Variants in PPM1L observed in about 807,000 individuals in gnomAD.
The protein encoded by PPM1L is protein phosphatase 1L.
Under a neutral mutation model 31.4 loss-of-function variants are expected in PPM1L, and 13 were observed. The ratio of observed to expected loss-of-function variants is 0.41; its 90% CI spans 0.27 to 0.66. PPM1L has a LOEUF of 0.66. Ranked by LOEUF, PPM1L falls within the 30% of genes least tolerant of loss-of-function variation. The pLI is 0.29. For missense variants in PPM1L, 326 were observed against 453.7 expected, an observed-to-expected ratio of 0.72 and a Z score of 2.56; for synonymous variants, 184 against 175.4, an observed-to-expected ratio of 1.05 and a Z score of -0.39.
intron 1 of PPM1L, among the ~76,000 whole-genome samples, chr3:160,896,669 A>G (rs1341938045): frequency 3.3e-5 from 5 of 152,212 alleles, no homozygotes; most frequent in Non-Finnish European, 7.3e-5. Context: ...TTTTAAAATG[A>G]TAAGTGTTCT....
At chr3:160,809,149 T>C (rs1712731182) in intron 1 of PPM1L, among the ~76,000 whole-genome samples, 1 of 152,230 alleles carries the variant, frequency 6.6e-6, no homozygotes, top group African/African-American at 2.4e-5. Context: ...AAAGTTCTGA[T>C]CTAATTCTGG....
At chr3:160,867,214 G>A (rs1014640349) in intron 1 of PPM1L, among the ~76,000 whole-genome samples, 2 of 151,474 alleles carry the variant, frequency 1.3e-5, no homozygotes, top group Admixed American at 6.6e-5. Flanking sequence ...TTATTTGATT[G>A]TTTTTTGAAT....
intron 2 of PPM1L, among the ~76,000 whole-genome samples, chr3:161,012,635 A>T (rs1458796045): frequency 6.6e-6 from 1 of 151,688 alleles, no homozygotes; most frequent in African/African-American, 2.4e-5. Flanking sequence ...TTGGCTGTGA[A>T]TCCATCTGGT....
intron 2 of PPM1L, among the ~76,000 whole-genome samples, chr3:161,031,621 C>T (rs1718569851): frequency 6.6e-6 from 1 of 151,434 alleles, no homozygotes; most frequent in South Asian, 2.1e-4. Flanking sequence ...CCACCTCAGC[C>T]TCCTGAGTAG....
At chr3:160,907,429 T>C (rs1713801874) in intron 1 of PPM1L, among the ~76,000 whole-genome samples, 1 of 152,230 alleles carries the variant, frequency 6.6e-6, no homozygotes, top group Non-Finnish European at 1.5e-5. Flanking sequence ...GCAATTTATG[T>C]TCAGGAATTT....
At chr3:160,921,063 A>G (rs6764019) in intron 1 of PPM1L, among the ~76,000 whole-genome samples, 1 of 151,954 alleles carries the variant, frequency 6.6e-6, no homozygotes, top group South Asian at 2.1e-4. Flanking sequence ...ACCAGTCAAA[A>G]CTCATTGAAA....
At chr3:160,893,932 C>G (rs1308122621) in intron 1 of PPM1L, among the ~76,000 whole-genome samples, 1 of 152,136 alleles carries the variant, frequency 6.6e-6, no homozygotes, top group Non-Finnish European at 1.5e-5. Flanking sequence ...GATACTTTTA[C>G]ATGAGATAGT....
At chr3:161,003,732 A>G (rs1308080156) in intron 2 of PPM1L, among the ~76,000 whole-genome samples, 1 of 152,094 alleles carries the variant, frequency 6.6e-6, no homozygotes, top group African/African-American at 2.4e-5. Flanking sequence ...GCTTAAGGAG[A>G]TTTTGGGCTG....
chr3:161,059,336 T>C (rs1479676364), intron 2 of PPM1L, among the ~76,000 whole-genome samples: 4 of 152,136 alleles, frequency 2.6e-5, no homozygotes, highest in Non-Finnish European at 5.9e-5. Context: ...CTACCAGGAG[T>C]GAGCATGGGA....
intron 1 of PPM1L, among the ~76,000 whole-genome samples, chr3:160,780,976 T>G (rs1371034572): frequency 2.0e-5 from 3 of 152,250 alleles, no homozygotes; most frequent in Non-Finnish European, 4.4e-5. Context: ...TTTAACTTGA[T>G]GTTTTATTTT....
intron 1 of PPM1L, among the ~76,000 whole-genome samples, chr3:160,864,812 A>G (rs1041346890): frequency 6.6e-6 from 1 of 152,192 alleles, no homozygotes; most frequent in Non-Finnish European, 1.5e-5. Context: ...TATTTTCAAC[A>G]GTAAATAAAG....
intron 1 of PPM1L, among the ~76,000 whole-genome samples, chr3:160,804,255 T>C (rs1465255118): frequency 6.6e-6 from 1 of 152,156 alleles, no homozygotes; most frequent in Non-Finnish European, 1.5e-5. Flanking sequence ...ATAATTTAAC[T>C]TTTAAAAAAC....
At chr3:160,889,145 C>CT (rs1713039614) in intron 1 of PPM1L, among the ~76,000 whole-genome samples, 1 of 152,044 alleles carries the variant, frequency 6.6e-6, no homozygotes, top group Admixed American at 6.6e-5. Context: ...CAAGAAATAA[C>CT]TAAGATCAGA....
At chr3:160,913,892 T>G (rs1714062682) in intron 1 of PPM1L, among the ~76,000 whole-genome samples, 1 of 152,228 alleles carries the variant, frequency 6.6e-6, no homozygotes, top group African/African-American at 2.4e-5. Context: ...TATCTTTGAG[T>G]ACTCAAATAT....
chr3:161,002,265 C>T (rs1045656177), intron 2 of PPM1L, among the ~76,000 whole-genome samples: 1 of 152,128 alleles, frequency 6.6e-6, no homozygotes, highest in African/African-American at 2.4e-5. Flanking sequence ...GGTTCCAAGT[C>T]TTTGCTATTG....
At chr3:160,891,722 C>T (rs1713152691) in intron 1 of PPM1L, among the ~76,000 whole-genome samples, 1 of 152,178 alleles carries the variant, frequency 6.6e-6, no homozygotes, top group Admixed American at 6.5e-5. Flanking sequence ...GCACTATTTA[C>T]AACAGCAAAG....
intron 1 of PPM1L, among the ~76,000 whole-genome samples, chr3:160,889,198 TAATC>T (rs755077253): frequency 1.3e-3 from 199 of 152,110 alleles, no homozygotes; most frequent in Non-Finnish European, 2.4e-3. Flanking sequence ...TCTCCAAAAA[TAATC>T]AATGAATCCA....
chr3:161,023,259 T>C (rs1262725636), intron 2 of PPM1L, among the ~76,000 whole-genome samples: 3 of 152,100 alleles, frequency 2.0e-5, no homozygotes, highest in Admixed American at 6.5e-5. Flanking sequence ...CTAGGATGTA[T>C]AGATTAATGT....
chr3:161,027,529 G>A (rs1718438283), intron 2 of PPM1L, among the ~76,000 whole-genome samples: 1 of 152,152 alleles, frequency 6.6e-6, no homozygotes, highest in South Asian at 2.1e-4. Context: ...CTTGTATAGG[G>A]AAACTCCTTC....
Sources: gnomAD v4.1 joint callset for allele counts (sites outside exome capture counted in the v4.1 genomes callset) on GRCh38, gnomAD v4.1.1 for gene constraint, MANE v1.5 for transcripts, NCBI Gene and HGNC (gene_info 2026-07-23, HGNC 2026-07-21) for gene names.